SV2C: variants seen among roughly 807,000 people sequenced by gnomAD.
SV2C encodes the protein solute carrier family 22 member B3.
Under a neutral mutation model 79.7 loss-of-function variants are expected in SV2C, and 49 were observed. The ratio of observed to expected loss-of-function variants is 0.61; its 90% confidence interval spans 0.49 to 0.78. The LOEUF (loss-of-function observed/expected upper bound fraction) is 0.78. SV2C is among the 30% of genes least tolerant of loss of function. SV2C has a pLI of 0.00. For synonymous variants in SV2C, 334 were observed against 333.2 expected (o/e 1.00, Z -0.03); for missense variants, 833 against 912.9 (o/e 0.91, Z 1.13).
At chr5:76,221,022 T>A (rs1297827122) in intron 4 of SV2C, among the ~76,000 whole-genome samples, 1 of 152,046 alleles carries the variant, frequency 6.6e-6, no homozygotes, top group Non-Finnish European at 1.5e-5. Flanking sequence ...CAGTGTAGAG[T>A]GGACACAGGG....
the SV2C span, among the ~76,000 whole-genome samples, chr5:75,981,379 T>A: frequency 6.6e-6 from 1 of 152,150 alleles, no homozygotes; most frequent in Admixed American, 6.6e-5. Context: ...TTAAAATTCA[T>A]ATGGAACCAA....
intron 6 of SV2C, among the ~76,000 whole-genome samples, chr5:76,287,451 T>C (rs145185409): frequency 6.6e-6 from 1 of 152,214 alleles, no homozygotes; most frequent in East Asian, 1.9e-4. Context: ...ACATAACACA[T>C]ACCCCAGTTT....
At chr5:76,158,093 C>G (rs775425836) in intron 2 of SV2C, among the ~76,000 whole-genome samples, 1 of 151,532 alleles carries the variant, frequency 6.6e-6, no homozygotes, top group South Asian at 2.1e-4. Flanking sequence ...AAAATATTCT[C>G]TTAATGCACA....
the SV2C span, among the ~76,000 whole-genome samples, chr5:76,026,201 A>AAC: frequency 0.25 from 34,808 of 139,758 alleles, 4,250 homozygotes; most frequent in Non-Finnish European, 0.27. Flanking sequence ...CAAATTTACA[A>AAC]ACACACACAC....
chr5:75,889,859 G>A, the SV2C span, among the ~76,000 whole-genome samples: 12 of 152,110 alleles, frequency 7.9e-5, no homozygotes, highest in Admixed American at 3.9e-4. Flanking sequence ...CTCTAGAGAT[G>A]TGTACTGTAA....
the SV2C span, among the ~76,000 whole-genome samples, chr5:75,889,872 G>A: frequency 2.0e-5 from 3 of 152,198 alleles, no homozygotes; most frequent in Admixed American, 6.6e-5. Flanking sequence ...TACTGTAAGC[G>A]GTTTGGATTG....
downstream of SV2C, among the ~76,000 whole-genome samples, chr5:76,336,503 G>C (rs1749329482): frequency 2.0e-5 from 3 of 152,198 alleles, no homozygotes; most frequent in African/African-American, 4.8e-5. Context: ...CGGCCAGGCA[G>C]AGGCTGCAAT....
the SV2C span, among the ~76,000 whole-genome samples, chr5:76,056,623 T>C: frequency 3.2e-4 from 45 of 140,062 alleles, no homozygotes; most frequent in East Asian, 6.8e-3. Context: ...TCCTGGGCTT[T>C]CTTTTTTTTT....
intron 2 of SV2C, among the ~76,000 whole-genome samples, chr5:76,141,150 A>G (rs1397020041): frequency 5.3e-5 from 8 of 152,182 alleles, no homozygotes. Context: ...TCTTCCATCC[A>G]AAGAGTCGGG....
At position 76,093,570 on chromosome 5, in the gene SV2C, C is replaced by T. The variant is rs150355541; in HGVS notation, c.-102+10058C>T. On this transcript the variant is annotated intron_variant, in intron 1 of 12. Transcript: ENST00000502798. ...AGAATTTCACAAAACTGTTCTTGCA[C>T]GGTCCTTTAGACCTGGGCCTTATTC... 3.9e-4 allele frequency among the ~76,000 whole-genome samples: 60 copies of T among 152,280 alleles called. 1 individual carries two copies. Among genetic ancestry groups the T allele is most frequent in the Admixed American group, 1.4e-3 (21 of 15,298 alleles).
At chr5:76,139,859 T>TCTAAA (rs1749196199) in intron 2 of SV2C, among the ~76,000 whole-genome samples, 1 of 82,550 alleles carries the variant, frequency 1.2e-5, no homozygotes, top group Non-Finnish European at 3.3e-5. Flanking sequence ...TGAAAGTATT[T>TCTAAA]TTTTTTTTTT....
intron 12 of SV2C, among the ~76,000 whole-genome samples, chr5:76,304,157 G>A (rs566156894): frequency 2.6e-5 from 4 of 152,272 alleles, no homozygotes; most frequent in South Asian, 2.1e-4. Context: ...TTCTCACCGC[G>A]GTCACGCTGT....
the SV2C span, among the ~76,000 whole-genome samples, chr5:75,907,067 G>A: frequency 3.0e-4 from 45 of 152,240 alleles, no homozygotes; most frequent in East Asian, 8.5e-3. Context: ...CCAAGTTTTG[G>A]TCATGTGCCC....
chr5:76,286,339 C>T (rs536012888), intron 6 of SV2C, among the ~76,000 whole-genome samples: 2 of 152,216 alleles, frequency 1.3e-5, no homozygotes, highest in Non-Finnish European at 2.9e-5. Context: ...GGGCCATTTC[C>T]TCCACTCGGC....
chr5:76,146,796 TTAAAAAAAA>T (rs1749443099), intron 2 of SV2C, among the ~76,000 whole-genome samples: 1 of 67,102 alleles, frequency 1.5e-5, no homozygotes, highest in Non-Finnish European at 2.6e-5. Context: ...GAGTTTTTTT[TTAAAAAAAA>T]AAAAAAAAAA....
At chr5:76,192,602 C>T (rs894828112) in intron 2 of SV2C, among the ~76,000 whole-genome samples, 2 of 152,160 alleles carry the variant, frequency 1.3e-5, no homozygotes, top group Non-Finnish European at 2.9e-5. Context: ...GTCTGACAAT[C>T]CCAGAGTGGT....
chr5:76,223,146 C>T (rs1396636501), intron 4 of SV2C, among the ~76,000 whole-genome samples: 1 of 151,952 alleles, frequency 6.6e-6, no homozygotes, highest in East Asian at 1.9e-4. Flanking sequence ...CATCATTTGC[C>T]ATGAGAAAAA....
At chr5:76,086,507 G>GT (rs1202312462) in intron 1 of SV2C, among the ~76,000 whole-genome samples, 1 of 152,116 alleles carries the variant, frequency 6.6e-6, no homozygotes, top group East Asian at 1.9e-4. Flanking sequence ...ATACACCAGC[G>GT]TATTTCTTGG....
intron 4 of SV2C, among the ~76,000 whole-genome samples, chr5:76,270,150 A>G (rs1746796198): frequency 6.6e-6 from 1 of 152,246 alleles, no homozygotes; most frequent in African/African-American, 2.4e-5. Flanking sequence ...TCTGCCAACA[A>G]TTTAATTAAT....
Sources: gnomAD v4.1 joint callset for allele counts (sites outside exome capture counted in the v4.1 genomes callset) on GRCh38, gnomAD v4.1.1 for gene constraint, MANE v1.5 for transcripts, NCBI Gene and HGNC (gene_info 2026-07-23, HGNC 2026-07-21) for gene names.